GXYLT1: variants seen among roughly 807,000 people sequenced by gnomAD.
GXYLT1 encodes the protein glycosyltransferase 8 domain containing 3.
A neutral mutation model predicts 54.0 loss-of-function variants in GXYLT1; 29 were observed. The observed-to-expected ratio is 0.54, with a 90% confidence interval of 0.40 to 0.73. The LOEUF (loss-of-function observed/expected upper bound fraction) is 0.73. GXYLT1 is among the 30% of genes least tolerant of loss of function. The pLI is 0.00. For synonymous variants in GXYLT1, 176 were observed against 204.1 expected (o/e 0.86, Z 1.17); for missense variants, 490 against 553.4 (o/e 0.89, Z 1.15).
chr12:42,144,360 G>C (rs1267054873), intron 1 of GXYLT1, 66 bp downstream of exon 1: 2 of 1,103,188 alleles, frequency 1.8e-6, no homozygotes, highest in African/African-American at 3.4e-5. Flanking sequence ...AGCAGCCCGG[G>C]CTAGGCCGAG....
At chr12:42,106,749 T>C (rs1279916740) in intron 4 of GXYLT1, among the ~76,000 whole-genome samples, 9 of 145,578 alleles carry the variant, frequency 6.2e-5, no homozygotes, top group Admixed American at 2.0e-4. Flanking sequence ...TTTTCTTTTT[T>C]TTTTTTTTTT....
intron 2 of GXYLT1, among the ~76,000 whole-genome samples, chr12:42,129,425 T>A (rs1357274068): frequency 1.3e-5 from 2 of 152,140 alleles, no homozygotes; most frequent in Non-Finnish European, 2.9e-5. Context: ...ATGCCATATT[T>A]TATATATATA....
In GXYLT1 at chr12:42,101,267, C is replaced by T. The variant is rs141453539; in HGVS notation, c.865-3234G>A. Among the ~76,000 whole-genome samples the T allele has an allele frequency of 9.1e-3, 1,379 of 152,076 alleles. 26 individuals carry two copies. Among genetic ancestry groups the T allele is most frequent in the African/African-American group, 0.032 (1,317 of 41,498 alleles). On this transcript the variant is annotated intron_variant, in intron 5 of 7. Transcript: ENST00000398675. ...CAAAGGATATGGGCAAGCAGCCATT[C>T]ACAAAAGAAGAAACAGAAATGGCTA...
intron 5 of GXYLT1, among the ~76,000 whole-genome samples, chr12:42,103,774 GT>G (rs544627976): frequency 6.6e-6 from 1 of 151,164 alleles, no homozygotes; most frequent in East Asian, 1.9e-4. Context: ...ATCATCTTGT[GT>G]TTTTTTTCAC....
intron 3 of GXYLT1, among the ~76,000 whole-genome samples, chr12:42,111,581 G>A (rs895682288): frequency 3.3e-5 from 5 of 152,248 alleles, no homozygotes; most frequent in Non-Finnish European, 5.9e-5. Context: ...CAGGCTGGAG[G>A]CGGGGCGCCT....
Position 42,144,423 on chromosome 12 carries a change from T to C in GXYLT1, c.221+3A>G, listed in dbSNP as rs1187453248. ...CGTCCCCCACACCGGGAACTGCCCG[T>C]ACCTGTCCGACACGCCGGGATGCGC... On this transcript the variant is annotated splice_donor_region_variant and intron_variant, in intron 1 of 7. Transcript: ENST00000398675. 18 of 1,278,658 alleles carry C rather than the reference T, an allele frequency of 1.4e-5. No individual in the cohort carries two copies. Among genetic ancestry groups the C allele is most frequent in the East Asian group, 3.8e-5 (1 of 26,210 alleles). The allele number at this position is 1,278,658 out of a possible 1,614,324, so 79.2% of individuals were successfully genotyped here.
intron 2 of GXYLT1, among the ~76,000 whole-genome samples, chr12:42,125,925 A>T (rs1435619818): frequency 1.3e-5 from 2 of 151,866 alleles, no homozygotes; most frequent in Non-Finnish European, 2.9e-5. Context: ...TACTTAGAGG[A>T]CTCAGGCAGG....
intron 3 of GXYLT1, among the ~76,000 whole-genome samples, chr12:42,116,872 C>A (rs9739472): frequency 6.6e-6 from 1 of 151,972 alleles, no homozygotes; most frequent in East Asian, 1.9e-4. Context: ...AGACTTGGAA[C>A]CAACCTAAAT....
chr12:42,089,486 T>A (rs1592099307), intron 7 of GXYLT1, among the ~76,000 whole-genome samples: 1 of 152,118 alleles, frequency 6.6e-6, no homozygotes, highest in East Asian at 1.9e-4. Flanking sequence ...TAAAGTATAA[T>A]AAAATATATA....
chr12:42,094,020 A>C (rs887089702), intron 7 of GXYLT1, among the ~76,000 whole-genome samples: 2 of 151,872 alleles, frequency 1.3e-5, no homozygotes, highest in Middle Eastern at 3.2e-3. Flanking sequence ...CTGTAACCCA[A>C]GTGTAGACTG....
intron 1 of GXYLT1, among the ~76,000 whole-genome samples, chr12:42,142,522 A>AT (rs11453537): frequency 0.16 from 23,556 of 151,228 alleles, 1,920 homozygotes; most frequent in South Asian, 0.22. Context: ...TAATTTTTTT[A>AT]TTTTTTGTAA....
At chr12:42,141,282 T>C (rs568588264) in intron 1 of GXYLT1, among the ~76,000 whole-genome samples, 1 of 152,346 alleles carries the variant, frequency 6.6e-6, no homozygotes, top group African/African-American at 2.4e-5. Context: ...GAACAAAGTT[T>C]TGTCTTTACT....
chr12:42,090,744 A>G (rs944506173), intron 7 of GXYLT1, among the ~76,000 whole-genome samples: 1 of 152,226 alleles, frequency 6.6e-6, no homozygotes, highest in African/African-American at 2.4e-5. Context: ...AACATTCAAG[A>G]CTGCTTTGCA....
chr12:42,098,723 CTTAT>C (rs1388606275), intron 5 of GXYLT1, among the ~76,000 whole-genome samples: 1 of 125,776 alleles, frequency 8.0e-6, no homozygotes, highest in African/African-American at 3.0e-5. Flanking sequence ...TATCTTTCTA[CTTAT>C]TTAAGTGTTC....
chr12:42,110,443 T>C (rs982435881), intron 3 of GXYLT1, among the ~76,000 whole-genome samples: 4 of 152,212 alleles, frequency 2.6e-5, no homozygotes, highest in African/African-American at 9.6e-5. Flanking sequence ...CTCTTTTGAA[T>C]TATGATAGTG....
chr12:42,105,973 T>C lies in GXYLT1; in HGVS notation c.709A>G (p.Asn237Asp). The C allele has an allele frequency of 1.2e-6, 2 of 1,614,032 alleles. No individual in the cohort carries two copies. Among genetic ancestry groups the C allele is most frequent in the Non-Finnish European group, 1.7e-6 (2 of 1,179,892 alleles). ...DDIWSLLKKF[N>D]STQIAAMAPE... is the part of the protein sequence containing the mutation. ...GCCATTGCAGCAATTTGTGTGGAAT[T>C]AAATTTCTTTAGTAAAGACCAAATA... The change falls in exon 5 of 8, where the codon AAT (asparagine) becomes GAT (aspartate). Residue 237 changes from asparagine to aspartate, a missense_variant. By Grantham distance (23) the Asn-to-Asp change is conservative. Around this residue, in one of 2 missense-constraint regions of GXYLT1, gnomAD observed 342 missense variants for 342.6 expected, o/e 1.00. Transcript: ENST00000398675.
chr12:42,104,565 A>G (rs1206270027), intron 5 of GXYLT1, among the ~76,000 whole-genome samples: 8 of 152,184 alleles, frequency 5.3e-5, no homozygotes, highest in Non-Finnish European at 4.4e-5. Context: ...GCTAAAAAAA[A>G]AAAAAACTAA....
At chr12:42,115,710 G>T (rs1024532512) in intron 3 of GXYLT1, among the ~76,000 whole-genome samples, 34 of 151,914 alleles carry the variant, frequency 2.2e-4, no homozygotes, top group South Asian at 4.2e-4. Flanking sequence ...ACTGCCCAAG[G>T]TAATTTATAG....
chr12:42,092,241 G>C (rs1264617063), intron 7 of GXYLT1, among the ~76,000 whole-genome samples: 2 of 152,130 alleles, frequency 1.3e-5, no homozygotes, highest in Non-Finnish European at 2.9e-5. Context: ...CTTTTCTCCT[G>C]ACCCCCACAT....
Sources: allele counts gnomAD v4.1 joint callset (sites outside exome capture counted in the v4.1 genomes callset), GRCh38; gene constraint gnomAD v4.1.1; regional missense constraint gnomAD v4.1.1; transcripts MANE v1.5; gene names NCBI Gene and HGNC (gene_info 2026-07-23, HGNC 2026-07-21).